Variants in ARID4B observed in about 807,000 individuals in gnomAD.
ARID4B encodes AT-rich interactive domain-containing protein 4B.
Under a neutral mutation model 147.5 loss-of-function variants are expected in ARID4B, and 26 were observed. The ratio of observed to expected loss-of-function variants is 0.18; its 90% CI spans 0.13 to 0.24. The LOEUF is 0.24. Among genes scored for constraint, ARID4B ranks in the 10% least tolerant of loss-of-function variants. ARID4B has a pLI of 1.00. For synonymous variants in ARID4B, 512 were observed against 507.9 expected, an observed-to-expected ratio of 1.01 and a Z score of -0.11; for missense variants, 1,179 against 1,511.5, an observed-to-expected ratio of 0.78 and a Z score of 3.65.
chr1:235,326,934 C>T lies in ARID4B; in HGVS notation c.-15G>A. 1 of 1,613,876 alleles carries T rather than the reference C, an allele frequency of 6.2e-7. No homozygotes were observed. The highest frequency in any genetic ancestry group is 8.5e-7 in the Non-Finnish European group (1 of 1,179,810). On this transcript the variant is annotated 5_prime_UTR_variant, in exon 2 of 24. Transcript: ENST00000264183. ...CTTACCTTCATGATGACTCTGGGACCAAGGTATCCTCTAAAACACCAGGTT... is the reference window on the plus strand; with the variant it reads ...CTTACCTTCATGATGACTCTGGGACTAAGGTATCCTCTAAAACACCAGGTT...
At chr1:235,300,881 G>A (rs970879875) in intron 2 of ARID4B, among the ~76,000 whole-genome samples, 5 of 151,744 alleles carry the variant, frequency 3.3e-5, no homozygotes, top group African/African-American at 7.2e-5. Context: ...AGCTAATTTT[G>A]TGTGTGTATA....
At chr1:235,170,298 A>T (rs1663247337) in intron 23 of ARID4B, among the ~76,000 whole-genome samples, 1 of 152,238 alleles carries the variant, frequency 6.6e-6, no homozygotes, top group African/African-American at 2.4e-5. Context: ...TAGTTTCTAC[A>T]GAGACCACAT....
At chr1:235,326,208 A>G (rs572816462) in intron 2 of ARID4B, among the ~76,000 whole-genome samples, 1 of 152,178 alleles carries the variant, frequency 6.6e-6, no homozygotes, top group African/African-American at 2.4e-5. Context: ...AAATACCTGT[A>G]TTTTTATCGT....
chr1:235,309,549 T>C (rs1673887381), intron 2 of ARID4B, among the ~76,000 whole-genome samples: 5 of 136,466 alleles, frequency 3.7e-5, no homozygotes, highest in Admixed American at 7.3e-5. Context: ...GGGAGGGAGG[T>C]GGGGGGGTCA....
At chr1:235,249,252 G>A (rs1669488161) in intron 6 of ARID4B, among the ~76,000 whole-genome samples, 1 of 152,128 alleles carries the variant, frequency 6.6e-6, no homozygotes, top group South Asian at 2.1e-4. Context: ...AGAATCGCTT[G>A]AACCCGGGAG....
At chr1:235,183,790 TTCTC>T (rs923232580) in intron 19 of ARID4B, among the ~76,000 whole-genome samples, 36 of 151,722 alleles carry the variant, frequency 2.4e-4, no homozygotes, top group Non-Finnish European at 2.9e-4. Flanking sequence ...CTTTCTTTAT[TTCTC>T]TCTCTCTCTC....
At chr1:235,322,896 A>T (rs1674943118) in intron 2 of ARID4B, among the ~76,000 whole-genome samples, 1 of 152,168 alleles carries the variant, frequency 6.6e-6, no homozygotes, top group South Asian at 2.1e-4. Context: ...AGAGAGAGAG[A>T]GAACATGTAC....
At chr1:235,215,309 C>T (rs1666985686) in intron 16 of ARID4B, among the ~76,000 whole-genome samples, 2 of 151,932 alleles carry the variant, frequency 1.3e-5, no homozygotes, top group South Asian at 4.2e-4. Context: ...AATATGAAAT[C>T]CAAGGCTACA....
At position 235,217,908 on chromosome 1, in the gene ARID4B, G is replaced by A. The variant is rs376839775; in HGVS notation, c.1583+1885C>T. 5.9e-5 allele frequency among the ~76,000 whole-genome samples: 9 copies of A among 152,288 alleles called. No homozygotes were observed. In the East Asian group the frequency reaches 1.3e-3, roughly 23 times the overall value. Reference sequence around the variant, plus strand: ...CAGTGGATGCCTGAAACCGTGGATAGTACCAAACCTTATATATACTGTGTT... The same window carrying A: ...CAGTGGATGCCTGAAACCGTGGATAATACCAAACCTTATATATACTGTGTT... On this transcript the variant is annotated intron_variant, in intron 16 of 23. Transcript: ENST00000264183.
intron 2 of ARID4B, among the ~76,000 whole-genome samples, chr1:235,276,159 G>A (rs1347235889): frequency 1.7e-5 from 2 of 120,494 alleles, no homozygotes; most frequent in Non-Finnish European, 3.5e-5. Context: ...ATCTTGACCA[G>A]TAAGAAATAA....
chr1:235,184,344 G>A (rs1470822283), intron 19 of ARID4B, among the ~76,000 whole-genome samples: 1 of 151,562 alleles, frequency 6.6e-6, no homozygotes, highest in Non-Finnish European at 1.5e-5. Context: ...ACAATGCTAC[G>A]AGATACATGT....
intron 2 of ARID4B, among the ~76,000 whole-genome samples, chr1:235,324,923 A>G (rs1390151300): frequency 6.6e-6 from 1 of 152,252 alleles, no homozygotes; most frequent in Admixed American, 6.5e-5. Flanking sequence ...GAAAAATAAA[A>G]AAGAACGAAA....
In ARID4B at chr1:235,249,266, G is replaced by C. The variant is rs557007439; in HGVS notation, c.355-2755C>G. 3.2e-3 allele frequency among the ~76,000 whole-genome samples: 486 copies of C among 152,284 alleles called. 3 individuals are homozygous for C. Among genetic ancestry groups the C allele is most frequent in the African/African-American group, 0.011 (458 of 41,568 alleles). ...GAGAATCGCTTGAACCCGGGAGGCA[G>C]AGGTTACAGTAAGCCAAGATCATGC... is the stretch of plus-strand genomic sequence containing the variant. On this transcript the variant is annotated intron_variant, in intron 6 of 23. Transcript: ENST00000264183.
intron 2 of ARID4B, among the ~76,000 whole-genome samples, chr1:235,299,602 T>C (rs553030402): frequency 6.6e-6 from 1 of 152,236 alleles, no homozygotes; most frequent in Non-Finnish European, 1.5e-5. Flanking sequence ...CAGAGAGTTA[T>C]TTACTCATAG....
At chr1:235,255,254 GATAGATAGATAT>G (rs1669888991) in intron 5 of ARID4B, among the ~76,000 whole-genome samples, 1 of 93,836 alleles carries the variant, frequency 1.1e-5, no homozygotes, top group African/African-American at 3.3e-5. Context: ...TAGATAGATA[GATAGATAGATAT>G]ATATCTCTCT....
chr1:235,275,073 A>C (rs953228709), intron 2 of ARID4B, among the ~76,000 whole-genome samples: 1 of 151,986 alleles, frequency 6.6e-6, no homozygotes, highest in African/African-American at 2.4e-5. Context: ...CATATGAGGG[A>C]CCCAACAAAT....
intron 19 of ARID4B, among the ~76,000 whole-genome samples, chr1:235,187,416 G>A (rs1436955423): frequency 6.6e-6 from 1 of 152,170 alleles, no homozygotes; most frequent in Non-Finnish European, 1.5e-5. Context: ...TAGGTTCTCT[G>A]AGATTAACAA....
At chr1:235,175,512 T>A in intron 21 of ARID4B, 113 bp from the exon 22 acceptor site, 3 of 827,962 alleles carry the variant, frequency 3.6e-6, no homozygotes, top group Non-Finnish European at 5.6e-6. Flanking sequence ...GAAAACAACC[T>A]GCCTAGAAAC....
chr1:235,220,099 T>C (rs1242362085), intron 15 of ARID4B, 131 bp from the exon 16 acceptor site: 1 of 786,096 alleles, frequency 1.3e-6, no homozygotes, highest in African/African-American at 1.8e-5. Context: ...TTTAAGAAAC[T>C]CCTGCTACTT....
Sources: allele counts gnomAD v4.1 joint callset (sites outside exome capture counted in the v4.1 genomes callset), GRCh38; gene constraint gnomAD v4.1.1; transcripts MANE v1.5; gene names NCBI Gene and HGNC (gene_info 2026-07-23, HGNC 2026-07-21).